The following RNASEH1 variants were observed in gnomAD, a reference collection of about 807,000 sequenced individuals.
The protein encoded by RNASEH1 is ribonuclease H1.
RNASEH1 carries 27 observed loss-of-function variants against 34.6 expected under a neutral mutation model. The ratio of observed to expected loss-of-function variants is 0.78; its 90% confidence interval spans 0.58 to 1.08. The LOEUF (loss-of-function observed/expected upper bound fraction) is 1.08. Ranked by LOEUF, RNASEH1 falls within the 50% of genes least tolerant of loss-of-function variation. The pLI is 0.00. For missense variants in RNASEH1, 349 were observed against 373.6 expected (o/e 0.93, Z 0.54); for synonymous variants, 162 against 138.4 (o/e 1.17, Z -1.20).
chr2:3,536,827 TCAAGG>T, downstream of RNASEH1: 1 of 152,244 alleles, frequency 6.6e-6, no homozygotes, highest in Admixed American at 6.5e-5. Context: ...AAGTCTCAGG[TCAAGG>T]TTCCCGCTGG....
chr2:3,549,121 A>G lies in RNASEH1; in HGVS notation c.510-9T>C. Reference sequence around the variant, plus strand: ...GTCTAATGCCTACATTTCTGTTTCAAAACAGTACAAAAGAAAATAAAAGTA... The same window carrying G: ...GTCTAATGCCTACATTTCTGTTTCAGAACAGTACAAAAGAAAATAAAAGTA... On this transcript the variant is annotated splice_polypyrimidine_tract_variant and intron_variant, in intron 4 of 7. Coordinates refer to ENST00000315212, the MANE Select transcript of RNASEH1 (RefSeq NM_002936.6). The G allele has an allele frequency of 6.2e-7, 1 of 1,606,782 alleles. No homozygotes were observed. The highest frequency in any genetic ancestry group is 8.5e-7 in the Non-Finnish European group (1 of 1,173,766).
intron 4 of RNASEH1, chr2:3,550,089 G>A: frequency 2.8e-6 from 1 of 362,446 alleles, no homozygotes; most frequent in Non-Finnish European, 5.1e-6. Context: ...TCTGCAGTGA[G>A]CTGTGTTTGT....
chr2:3,540,377 C>G (rs980719912), downstream of RNASEH1, among the ~76,000 whole-genome samples: 2 of 151,994 alleles, frequency 1.3e-5, 1 homozygote, highest in South Asian at 4.1e-4. Context: ...TCCTTCCCTC[C>G]GGCTTCATGC....
rs1463675840 is a variant in RNASEH1, at chr2:3,544,955, A to C, written c.*830T>G. On this transcript the variant is annotated 3_prime_UTR_variant, in exon 8 of 8. Coordinates refer to ENST00000315212, the MANE Select transcript of RNASEH1 (RefSeq NM_002936.6). ...ACACCTGGATAATTTTTGTAATTTT[A>C]GTAGAGACAGGGTTTCGTCATGTTG... 1 of 151,920 alleles carries C rather than the reference A, an allele frequency of 6.6e-6. No individual in the cohort carries two copies. Among genetic ancestry groups the C allele is most frequent in the Non-Finnish European group, 1.5e-5 (1 of 68,004 alleles). The allele number at this position is 151,920 out of a possible 1,614,324, so 9.4% of individuals were successfully genotyped here.
At chr2:3,552,912 G>A (rs1660121059) in intron 2 of RNASEH1, among the ~76,000 whole-genome samples, 1 of 152,134 alleles carries the variant, frequency 6.6e-6, no homozygotes. Context: ...ACATGGACAC[G>A]AAGTTAAGAA....
At chr2:3,538,360 T>A (rs962584750), downstream of RNASEH1, among the ~76,000 whole-genome samples, 6 of 150,772 alleles carry the variant, frequency 4.0e-5, no homozygotes, top group South Asian at 2.1e-4. Context: ...CTCAAAAAAA[T>A]ATATATAATA....
chr2:3,540,402 T>C (rs1668232484), downstream of RNASEH1, among the ~76,000 whole-genome samples: 1 of 152,120 alleles, frequency 6.6e-6, no homozygotes, highest in Admixed American at 6.5e-5. Flanking sequence ...TCTGCTGTAC[T>C]GACATCACTT....
At chr2:3,548,945 GTC>G (rs1669018912) in intron 5 of RNASEH1, 111 bp downstream of exon 5, 1 of 962,924 alleles carries the variant, frequency 1.0e-6, no homozygotes, top group Admixed American at 2.3e-5. Flanking sequence ...TATTAAACCC[GTC>G]TCTCTTCAAA....
intron 6 of RNASEH1, 123 bp downstream of exon 6, chr2:3,548,517 G>T (rs1360169838): frequency 3.2e-6 from 2 of 632,392 alleles, no homozygotes; most frequent in East Asian, 5.4e-5. Flanking sequence ...CTCTTTGCTC[G>T]GTACCTGACA....
rs192383050 is a variant in RNASEH1, at chr2:3,549,914, C to G, written c.509+459G>C. ...TGAGCCGAGATCGCGCCACTGCACT[C>G]TAGCCTGGGCGATAGAGTGAGACTC... On this transcript the variant is annotated intron_variant, in intron 4 of 7. Transcript: ENST00000315212. 1.7e-4 allele frequency among the ~76,000 whole-genome samples: 26 copies of G among 150,164 alleles called. 1 individual carries two copies. In the East Asian group the frequency reaches 4.1e-3, roughly 24 times the overall value.
chr2:3,545,940 A>G (rs1350735465), intron 7 of RNASEH1, 69 bp from the exon 8 acceptor site: 3 of 1,162,058 alleles, frequency 2.6e-6, no homozygotes, highest in Non-Finnish European at 2.6e-6. Flanking sequence ...CTATATTGTC[A>G]TCATAAAAAA....
chr2:3,553,898 AGAT>A (rs1329028618), intron 2 of RNASEH1, among the ~76,000 whole-genome samples: 4 of 152,232 alleles, frequency 2.6e-5, no homozygotes, highest in Non-Finnish European at 5.9e-5. Flanking sequence ...GCCCTGGGCT[AGAT>A]GATCTCAAAC....
At position 3,544,111 on chromosome 2, in the gene RNASEH1, T is replaced by C. The variant is rs1668532291; in HGVS notation, c.*1674A>G. On this transcript the variant is annotated 3_prime_UTR_variant, in exon 8 of 8. Transcript: ENST00000315212. ...TTTCTTAGAAAACCATTCCAGCTAA[T>C]AAAGGCAAGCAAAACGACAGAATGA... Among the ~76,000 whole-genome samples the C allele has an allele frequency of 6.6e-6, 1 of 152,114 alleles. No homozygotes were observed. Among genetic ancestry groups the C allele is most frequent in the African/African-American group, 2.4e-5 (1 of 41,430 alleles).
chr2:3,557,783 G>A (rs375796206), intron 1 of RNASEH1: 39 of 980,240 alleles, frequency 4.0e-5, no homozygotes, highest in Middle Eastern at 4.8e-4. Flanking sequence ...TAGCTGGTAC[G>A]GAAAGTCTTC....
Position 3,548,715 on chromosome 2 carries a change from T to G in RNASEH1, c.574A>C (p.Lys192Gln), listed in dbSNP as rs1668996304. Reference sequence around the variant, plus strand: ...TGAGTCTTTGCTTGTTCAATGGCTTTGCAGGCTGCCTTGAAAAGACAAGTC... The same window carrying G: ...TGAGTCTTTGCTTGTTCAATGGCTTGGCAGGCTGCCTTGAAAAGACAAGTC... ...NQRAEIHAAC[K>Q]AIEQAKTQNI... Residue 192 changes from lysine (K) to glutamine (Q), a missense_variant, in exon 6 of 8, where the codon AAA becomes CAA. Transcript: ENST00000315212. 6.2e-7 allele frequency: 1 copy of G among 1,612,460 alleles called. No individual in the cohort carries two copies. Among genetic ancestry groups the G allele is most frequent in the South Asian group, 1.1e-5 (1 of 91,044 alleles).
chr2:3,532,442 G>A, the RNASEH1 span: 5 of 684,146 alleles, frequency 7.3e-6, no homozygotes, highest in Non-Finnish European at 1.3e-5. Context: ...AAGGGGCCCC[G>A]TTACTCAGCC....
chr2:3,553,213 A>G (rs1660154043), intron 2 of RNASEH1, among the ~76,000 whole-genome samples: 1 of 151,130 alleles, frequency 6.6e-6, no homozygotes, highest in Non-Finnish European at 1.5e-5. Flanking sequence ...GCGCCACTGC[A>G]CTCCAGCCTG....
intron 4 of RNASEH1, among the ~76,000 whole-genome samples, chr2:3,549,529 G>A (rs1417413552): frequency 6.6e-6 from 1 of 152,216 alleles, no homozygotes; most frequent in Non-Finnish European, 1.5e-5. Context: ...GGGGTCACCA[G>A]GAGATCCAGA....
chr2:3,545,744 G>A lies in RNASEH1; in HGVS notation c.*41C>T. 2 of 1,403,188 alleles carry A rather than the reference G, an allele frequency of 1.4e-6. No individual in the cohort carries two copies. Among genetic ancestry groups the A allele is most frequent in the South Asian group, 1.2e-5 (1 of 86,944 alleles). 86.9% of individuals were successfully genotyped at this position (1,403,188 alleles called of 1,614,324 possible). ...ACCAGTAAGTACAGGCAGCAAGACA[G>A]CCGCTGGCTCAAGTTCTCCCAAGGA... On this transcript the variant is annotated 3_prime_UTR_variant, in exon 8 of 8. Coordinates refer to ENST00000315212, the MANE Select transcript of RNASEH1 (RefSeq NM_002936.6).
Sources: gnomAD v4.1 joint callset for allele counts (sites outside exome capture counted in the v4.1 genomes callset) on GRCh38, gnomAD v4.1.1 for gene constraint, MANE v1.5 for transcripts, NCBI Gene and HGNC (gene_info 2026-07-23, HGNC 2026-07-21) for gene names.